Variants in SRRM4 observed in about 807,000 individuals in gnomAD.
SRRM4 encodes the protein serine/arginine repetitive matrix protein 4.
Under a neutral mutation model 68.9 loss-of-function variants are expected in SRRM4, and 33 were observed. The observed-to-expected ratio is 0.48, with a 90% CI of 0.36 to 0.64. The LOEUF is 0.64. SRRM4 is among the 30% of genes least tolerant of loss of function. The probability of loss-of-function intolerance (pLI) is 0.00; values close to 1 mark genes in which losing one functional copy is unlikely to be tolerated. For missense variants in SRRM4, 817 were observed against 827.1 expected, an observed-to-expected ratio of 0.99 and a Z score of 0.15; for synonymous variants, 318 against 318.8, an observed-to-expected ratio of 1.00 and a Z score of 0.03.
At chr12:119,080,026 T>C (rs1411963434) in intron 1 of SRRM4, among the ~76,000 whole-genome samples, 2 of 152,176 alleles carry the variant, frequency 1.3e-5, no homozygotes, top group Admixed American at 6.6e-5. Flanking sequence ...GGTGCCCCTC[T>C]CCACTCAAAT....
chr12:119,023,540 A>C (rs7308063), intron 1 of SRRM4, among the ~76,000 whole-genome samples: 44,880 of 152,066 alleles, frequency 0.3, 6,837 homozygotes, highest in Admixed American at 0.32. Flanking sequence ...TGTCCTAGGC[A>C]AGCAGAGCTT....
At chr12:119,066,960 C>A (rs1026302177) in intron 1 of SRRM4, among the ~76,000 whole-genome samples, 2 of 152,146 alleles carry the variant, frequency 1.3e-5, no homozygotes, top group African/African-American at 4.8e-5. Flanking sequence ...AAGAGTGGAC[C>A]TCAGTATTTC....
At chr12:119,085,394 G>A (rs1361281647) in intron 1 of SRRM4, among the ~76,000 whole-genome samples, 2 of 152,218 alleles carry the variant, frequency 1.3e-5, no homozygotes, top group Non-Finnish European at 2.9e-5. Flanking sequence ...TGGCAGCACT[G>A]GGGTTTGAAC....
chr12:119,054,350 T>C (rs757854838), intron 1 of SRRM4, among the ~76,000 whole-genome samples: 2 of 152,238 alleles, frequency 1.3e-5, no homozygotes, highest in South Asian at 2.1e-4. Flanking sequence ...ATGTATATTA[T>C]CTCATTTAAC....
chr12:119,086,916 A>G (rs1020889439), intron 1 of SRRM4, among the ~76,000 whole-genome samples: 1 of 152,162 alleles, frequency 6.6e-6, no homozygotes, highest in Non-Finnish European at 1.5e-5. Flanking sequence ...CTAAACACCA[A>G]TCTCACAGCT....
intron 1 of SRRM4, chr12:118,994,258 A>G (rs936347918): frequency 6.6e-6 from 1 of 152,176 alleles, no homozygotes; most frequent in Admixed American, 6.5e-5. Flanking sequence ...CCTTGGCTCT[A>G]TAGCATTTAT....
rs776714249 is a variant in SRRM4 at position 119,151,005 on chromosome 12, T to C, written c.1077-12T>C. On this transcript the variant is annotated splice_polypyrimidine_tract_variant and intron_variant, in intron 9 of 12. Transcript: ENST00000267260. The stretch of plus-strand genomic sequence containing the variant: ...GGGCAGTCGGTGCTCATGGACATTT[T>C]CCCACCTGCAGGGGATTTCAGTCAC... The C allele has an allele frequency of 1.9e-6, 3 of 1,613,466 alleles. No individual in the cohort carries two copies. In the East Asian group the frequency reaches 6.7e-5, roughly 36 times the overall value.
At chr12:119,131,340 C>T (rs1340280438) in intron 8 of SRRM4, among the ~76,000 whole-genome samples, 5 of 152,168 alleles carry the variant, frequency 3.3e-5, no homozygotes, top group African/African-American at 1.2e-4. Context: ...CCAAGGAGGT[C>T]ATAGCTCTTG....
intron 1 of SRRM4, among the ~76,000 whole-genome samples, chr12:119,090,835 G>C (rs1000692221): frequency 6.6e-6 from 1 of 152,162 alleles, no homozygotes; most frequent in African/African-American, 2.4e-5. Flanking sequence ...CAATGCAACT[G>C]ACCAAGCTGG....
intron 8 of SRRM4, among the ~76,000 whole-genome samples, chr12:119,143,280 G>C (rs1954377946): frequency 6.6e-6 from 1 of 152,200 alleles, no homozygotes; most frequent in Non-Finnish European, 1.5e-5. Context: ...AATTCCAGAA[G>C]TAGAAGTCCC....
Position 119,162,708 on chromosome 12 carries a change from T to C in SRRM4, c.*5910T>C, listed in dbSNP as rs142759987. 1.2e-4 allele frequency: 19 copies of C among 152,340 alleles called. No homozygotes were observed. The highest frequency in any genetic ancestry group is 2.5e-4 in the Non-Finnish European group (17 of 68,054). 9.4% of individuals were successfully genotyped at this position (152,340 alleles called of 1,614,324 possible). On this transcript the variant is annotated 3_prime_UTR_variant, in exon 13 of 13. Transcript: ENST00000267260. ...GCAATGATTGGCCAAGGACCTAGCA[T>C]AATCCACCACATTGGCCAAGGGGAC...
Position 119,156,905 on chromosome 12 carries a change from T to C in SRRM4, c.*107T>C, listed in dbSNP as rs952467245. 2.2e-6 allele frequency: 3 copies of C among 1,334,694 alleles called. No homozygotes were observed. In the African/African-American group the frequency reaches 4.4e-5, roughly 20 times the overall value. 82.7% of individuals were successfully genotyped at this position (1,334,694 alleles called of 1,614,324 possible). On this transcript the variant is annotated 3_prime_UTR_variant, in exon 13 of 13. Coordinates refer to ENST00000267260, the MANE Select transcript of SRRM4 (RefSeq NM_194286.4). Reference sequence around the variant, plus strand: ...GACAAATAGTGAGGGCTCCTATACCTTGTCCTTCCTGCTTGCCTAGGGGAA... The same window carrying C: ...GACAAATAGTGAGGGCTCCTATACCCTGTCCTTCCTGCTTGCCTAGGGGAA...
chr12:119,109,343 A>G (rs900367948), intron 2 of SRRM4, among the ~76,000 whole-genome samples: 6 of 151,994 alleles, frequency 3.9e-5, no homozygotes, highest in Non-Finnish European at 1.5e-5. Context: ...CGTTCTCTGT[A>G]TTTCCTGAAT....
At chr12:119,129,495 A>G (rs1364114656) in intron 7 of SRRM4, among the ~76,000 whole-genome samples, 4 of 152,200 alleles carry the variant, frequency 2.6e-5, no homozygotes, top group Admixed American at 6.5e-5. Flanking sequence ...CAGATGGCAA[A>G]GTCACATACA....
At chr12:119,007,279 T>C (rs1175835418) in intron 1 of SRRM4, among the ~76,000 whole-genome samples, 4 of 152,224 alleles carry the variant, frequency 2.6e-5, no homozygotes, top group African/African-American at 7.2e-5. Context: ...TTAATATTCA[T>C]CACTTGTATT....
At chr12:119,010,814 T>C (rs1205117111) in intron 1 of SRRM4, among the ~76,000 whole-genome samples, 1 of 152,196 alleles carries the variant, frequency 6.6e-6, no homozygotes, top group Non-Finnish European at 1.5e-5. Context: ...AAATAAATTA[T>C]GAAATATGCA....
intron 1 of SRRM4, among the ~76,000 whole-genome samples, chr12:119,050,303 T>C (rs1953734376): frequency 6.6e-6 from 1 of 152,204 alleles, no homozygotes; most frequent in Non-Finnish European, 1.5e-5. Context: ...CTGTTCTGGA[T>C]TTGTTTGATC....
intron 2 of SRRM4, among the ~76,000 whole-genome samples, chr12:119,105,284 G>A (rs779705111): frequency 9.9e-5 from 15 of 151,988 alleles, no homozygotes; most frequent in Admixed American, 7.2e-4. Flanking sequence ...AAACATACAC[G>A]TGCATGTGTC....
intron 2 of SRRM4, among the ~76,000 whole-genome samples, chr12:119,111,251 T>C (rs542899259): frequency 2.6e-4 from 39 of 152,320 alleles, no homozygotes; most frequent in African/African-American, 8.2e-4. Flanking sequence ...ACAACTATTC[T>C]GCCCTTTCCT....
Sources: allele counts gnomAD v4.1 joint callset (sites outside exome capture counted in the v4.1 genomes callset), GRCh38; gene constraint gnomAD v4.1.1; transcripts MANE v1.5; gene names NCBI Gene and HGNC (gene_info 2026-07-23, HGNC 2026-07-21).